Variants in RPRD2 observed in about 807,000 individuals in gnomAD.
RPRD2 encodes the protein regulation of nuclear pre-mRNA domain containing 2, also known as regulation of nuclear pre-mRNA domain-containing protein 2.
Under a neutral mutation model 104.4 loss-of-function variants are expected in RPRD2, and 12 were observed. The ratio of observed to expected loss-of-function variants is 0.11; its 90% CI spans 0.07 to 0.19. The LOEUF (loss-of-function observed/expected upper bound fraction) is 0.19, where lower values mean the gene tolerates loss of function less well. Among genes scored for constraint, RPRD2 ranks in the 10% least tolerant of loss-of-function variants. RPRD2 has a pLI of 1.00. For missense variants in RPRD2, 1,543 were observed against 1,790.1 expected (o/e 0.86, Z 2.49); for synonymous variants, 714 against 684.9 (o/e 1.04, Z -0.66).
At chr1:150,437,400 C>A (rs1285845759) in intron 2 of RPRD2, among the ~76,000 whole-genome samples, 21 of 152,148 alleles carry the variant, frequency 1.4e-4, no homozygotes, top group African/African-American at 5.1e-4. Flanking sequence ...GATCAGTCAT[C>A]ATCAAGGCAA....
chr1:150,405,407 AT>A (rs5777725), intron 1 of RPRD2, among the ~76,000 whole-genome samples: 1 of 150,830 alleles, frequency 6.6e-6, no homozygotes, highest in Non-Finnish European at 1.5e-5. Context: ...AAAATTTTTT[AT>A]TTTTTTTTGG....
chr1:150,462,612 A>G (rs1321414132), intron 9 of RPRD2, among the ~76,000 whole-genome samples: 4 of 151,884 alleles, frequency 2.6e-5, no homozygotes, highest in African/African-American at 9.7e-5. Context: ...GCTGGAGTGC[A>G]GTGGCGCGAT....
Position 150,364,881 on chromosome 1 carries a change from G to A in RPRD2, c.167G>A (p.Ser56Asn). The A allele has an allele frequency of 6.2e-7, 1 of 1,614,048 alleles. No individual in the cohort carries two copies. Among genetic ancestry groups the A allele is most frequent in the South Asian group, 1.1e-5 (1 of 91,090 alleles). Residue 56 changes from serine to asparagine, a missense_variant, in exon 1 of 11, where the codon AGT becomes AAT. Around this residue, in one of 4 missense-constraint regions of RPRD2, gnomAD observed 88 missense variants for 96.6 expected, o/e 0.91. Coordinates refer to ENST00000369068, the MANE Select transcript of RPRD2 (RefSeq NM_015203.5). ...SWCIENKKHH[S>N]TIVYHWMKWL... ...TGTATAGAGAACAAAAAACACCACA[G>A]TACTATCGTCTATCATTGGATGAAG... is the stretch of plus-strand genomic sequence containing the variant.
At chr1:150,451,004 A>C (rs1667131219) in intron 7 of RPRD2, among the ~76,000 whole-genome samples, 1 of 152,186 alleles carries the variant, frequency 6.6e-6, no homozygotes, top group African/African-American at 2.4e-5. Flanking sequence ...TTTTTATAGG[A>C]AAAGATCCTA....
At chr1:150,462,758 T>C (rs1345413110) in intron 9 of RPRD2, among the ~76,000 whole-genome samples, 1 of 152,150 alleles carries the variant, frequency 6.6e-6, no homozygotes, top group Non-Finnish European at 1.5e-5. Context: ...GCTTTTACCA[T>C]GTTAGCCAGG....
intron 2 of RPRD2, among the ~76,000 whole-genome samples, chr1:150,433,741 G>C (rs1665785911): frequency 1.1e-5 from 1 of 94,694 alleles, no homozygotes; most frequent in Non-Finnish European, 2.3e-5. Flanking sequence ...TTTTAACCAA[G>C]AAGCACTGAA....
rs1553876651 is a variant in RPRD2, at chr1:150,364,171, T to TA, written c.-544_-543insA. Among the ~76,000 whole-genome samples the TA allele has an allele frequency of 6.6e-6, 1 of 152,170 alleles. No individual in the cohort carries two copies. Among genetic ancestry groups the TA allele is most frequent in the African/African-American group, 2.4e-5 (1 of 41,460 alleles). On this transcript the variant is annotated 5_prime_UTR_variant, in exon 1 of 11. In the 5' UTR this introduces an upstream ATG that the reference lacks. Coordinates refer to ENST00000369068, the MANE Select transcript of RPRD2 (RefSeq NM_015203.5). ...TACTGTTGCTGCCCCTTTGCTGCTA[T>TA]TGCGTTGCAAAAAAAATCCTGACTA...
chr1:150,386,919 TTTACA>T (rs1163071669), intron 1 of RPRD2, among the ~76,000 whole-genome samples: 10 of 152,218 alleles, frequency 6.6e-5, no homozygotes, highest in African/African-American at 1.2e-4. Context: ...TTTATGATTG[TTTACA>T]TTACTCTCAA....
At chr1:150,440,329 A>G (rs1666331634) in intron 2 of RPRD2, among the ~76,000 whole-genome samples, 1 of 152,088 alleles carries the variant, frequency 6.6e-6, no homozygotes, top group African/African-American at 2.4e-5. Context: ...CGGCCTCCCA[A>G]AGCGCTGGGA....
chr1:150,405,750 G>A (rs1253763169), intron 1 of RPRD2, among the ~76,000 whole-genome samples: 1 of 152,074 alleles, frequency 6.6e-6, no homozygotes, highest in Non-Finnish European at 1.5e-5. Flanking sequence ...GTTTTAAATT[G>A]TGCACCATTC....
chr1:150,412,235 A>G (rs782485471), intron 1 of RPRD2, among the ~76,000 whole-genome samples: 1 of 152,284 alleles, frequency 6.6e-6, no homozygotes, highest in East Asian at 1.9e-4. Context: ...TAGTAGGTAA[A>G]AGTATAGGGT....
intron 5 of RPRD2, among the ~76,000 whole-genome samples, 165 bp downstream of exon 5, chr1:150,443,448 G>T (rs138693143): frequency 1.3e-4 from 20 of 152,216 alleles, no homozygotes; most frequent in African/African-American, 4.8e-4. Flanking sequence ...AGATTGCTTG[G>T]CGTTTTATCT....
At position 150,442,071 on chromosome 1, in the gene RPRD2, A is replaced by G. The variant is rs1256932656; in HGVS notation, c.514+113A>G. On this transcript the variant is annotated intron_variant, in intron 4 of 10. Transcript: ENST00000369068. ...TAAACCATGGGCAAGCCTGTTTTCC[A>G]GGTCTGGGAGGCTCCCAGTGACCTA... is the stretch of plus-strand genomic sequence containing the variant. 5.6e-5 allele frequency: 38 copies of G among 676,036 alleles called. No individual in the cohort carries two copies. In the African/African-American group the frequency reaches 7.0e-4, roughly 12 times the overall value. 41.9% of individuals were successfully genotyped at this position (676,036 alleles called of 1,614,324 possible).
intron 9 of RPRD2, among the ~76,000 whole-genome samples, chr1:150,462,886 C>T (rs1668030448): frequency 6.6e-6 from 1 of 152,106 alleles, no homozygotes; most frequent in Non-Finnish European, 1.5e-5. Context: ...CAAGGTCCCA[C>T]TCCATCACCC....
intron 1 of RPRD2, among the ~76,000 whole-genome samples, chr1:150,377,084 G>T (rs1660754782): frequency 6.6e-6 from 1 of 151,548 alleles, no homozygotes; most frequent in Non-Finnish European, 1.5e-5. Context: ...GGTGGCATGT[G>T]CCTGTAGTCT....
chr1:150,460,109 T>A lies in RPRD2; in HGVS notation c.1203T>A (p.Ser401=), dbSNP rs782268856. 19 of 1,613,886 alleles carry A rather than the reference T, an allele frequency of 1.2e-5. No individual in the cohort carries two copies. The highest frequency in any genetic ancestry group is 1.5e-5 in the Non-Finnish European group (18 of 1,179,882). ...CAGAGAAGTCAGCTGTATCCACTTC[T>A]GTACCTACAAAGCCAACAGAAAATA... ...KPAEKSAVST[S]VPTKPTENIS... is the part of the protein sequence containing the mutation. The change falls in exon 9 of 11, where the codon TCT becomes TCA. Residue 401 remains serine (S), a synonymous_variant. Coordinates refer to ENST00000369068, the MANE Select transcript of RPRD2 (RefSeq NM_015203.5).
intron 1 of RPRD2, among the ~76,000 whole-genome samples, chr1:150,370,020 G>GAT (rs1660181388): frequency 6.6e-6 from 1 of 151,778 alleles, no homozygotes; most frequent in Non-Finnish European, 1.5e-5. Context: ...GACTTCAAGT[G>GAT]ATTCGCCCAC....
chr1:150,463,667 T>C (rs1553899308), intron 9 of RPRD2, among the ~76,000 whole-genome samples: 5 of 152,206 alleles, frequency 3.3e-5, no homozygotes, highest in Non-Finnish European at 7.3e-5. Context: ...AATGTAAAAA[T>C]ATAAAGGAAA....
intron 1 of RPRD2, among the ~76,000 whole-genome samples, chr1:150,406,002 T>G (rs1488914901): frequency 2.0e-5 from 3 of 152,142 alleles, no homozygotes; most frequent in Admixed American, 1.3e-4. Context: ...TTCCTTTAAG[T>G]GAAAAGGTTA....
Sources: gnomAD v4.1 joint callset for allele counts (sites outside exome capture counted in the v4.1 genomes callset) on GRCh38, gnomAD v4.1.1 for gene constraint, gnomAD v4.1.1 regional missense constraint, MANE v1.5 for transcripts, NCBI Gene and HGNC (gene_info 2026-07-23, HGNC 2026-07-21) for gene names.